PTPRS: variants seen among roughly 807,000 people sequenced by gnomAD.
PTPRS encodes the protein protein tyrosine phosphatase receptor type S.
PTPRS carries 63 observed loss-of-function variants against 215.3 expected under a neutral mutation model. That is an observed-to-expected ratio of 0.29 (90% CI 0.24 to 0.36). The LOEUF (loss-of-function observed/expected upper bound fraction) is 0.36. Among genes scored for constraint, PTPRS ranks in the 10% least tolerant of loss-of-function variants. The pLI is 1.00. For synonymous variants in PTPRS, 1,404 were observed against 1,191.4 expected (o/e 1.18, Z -3.68); for missense variants, 2,258 against 2,825.8 (o/e 0.80, Z 4.56).
In PTPRS at chr19:5,256,097, A is replaced by C; in HGVS notation, c.718+11T>G. On this transcript the variant is annotated intron_variant, in intron 9 of 37. Coordinates refer to ENST00000262963, the MANE Select transcript of PTPRS (RefSeq NM_002850.4). ...GGGTAAAGAAAGTAAAAAAGAAAAA[A>C]ACACACCAACCTTCTCGAAGCTCTG... 1 of 1,519,722 alleles carries C rather than the reference A, an allele frequency of 6.6e-7. No homozygotes were observed. The highest frequency in any genetic ancestry group is 9.1e-7 in the Non-Finnish European group (1 of 1,098,140). 94.1% of individuals were successfully genotyped at this position (1,519,722 alleles called of 1,614,324 possible).
intron 1 of PTPRS, among the ~76,000 whole-genome samples, chr19:5,317,228 T>C (rs569920938): frequency 6.6e-6 from 1 of 152,050 alleles, no homozygotes; most frequent in Admixed American, 6.5e-5. Context: ...TCTCGGCACT[T>C]TGGGAGGGAG....
At chr19:5,222,291 TGAAGC>T (rs1164567248) in intron 18 of PTPRS, 71 bp from the exon 19 acceptor site, 2 of 1,327,472 alleles carry the variant, frequency 1.5e-6, no homozygotes, top group Middle Eastern at 1.8e-4. Context: ...CTGGGTGGCG[TGAAGC>T]GGGGTGGGGT....
At position 5,237,772 on chromosome 19, in the gene PTPRS, C is replaced by T. The variant is rs991620067; in HGVS notation, c.1849+1147G>A. Among the ~76,000 whole-genome samples, 6 of 152,206 alleles carry T rather than the reference C, an allele frequency of 3.9e-5. No individual in the cohort carries two copies. The highest frequency in any genetic ancestry group is 2.1e-4 in the South Asian group (1 of 4,814). On this transcript the variant is annotated intron_variant, in intron 13 of 37. Coordinates refer to ENST00000262963, the MANE Select transcript of PTPRS (RefSeq NM_002850.4). The surrounding 1 kb of genome is among the most constrained non-coding windows in gnomAD (Gnocchi z 4.2). Reference sequence around the variant, plus strand: ...CCTCACTGACTCCACCTCACACAGACGCGCCCAGACGCCTTGGAGCCGCCA... The same window carrying T: ...CCTCACTGACTCCACCTCACACAGATGCGCCCAGACGCCTTGGAGCCGCCA...
rs531263303 is a variant in PTPRS at position 5,339,847 on chromosome 19, C to T, written c.-95+817G>A. On this transcript the variant is annotated intron_variant, in intron 1 of 37. Transcript: ENST00000262963. The surrounding 1 kb of genome is among the most constrained non-coding windows in gnomAD (Gnocchi z 4.2). ...GCGGCTTCCCCACTCTCGGGATCCC[C>T]ACGGGGCCCCCAGCGCGGAGGGGAG... Among the ~76,000 whole-genome samples, 1 of 151,822 alleles carries T rather than the reference C, an allele frequency of 6.6e-6. No homozygotes were observed. The highest frequency in any genetic ancestry group is 1.5e-5 in the Non-Finnish European group (1 of 67,846).
At chr19:5,272,105 C>T (rs1233490318) in intron 4 of PTPRS, among the ~76,000 whole-genome samples, 3 of 152,118 alleles carry the variant, frequency 2.0e-5, no homozygotes, top group African/African-American at 7.2e-5. Flanking sequence ...CAAGTGGCAG[C>T]CAGGACTTGA....
At chr19:5,255,563 C>T (rs561004468) in intron 9 of PTPRS, among the ~76,000 whole-genome samples, 33 of 135,116 alleles carry the variant, frequency 2.4e-4, no homozygotes, top group African/African-American at 8.3e-4. Context: ...CCCCCCAAAA[C>T]GAAACAAAAC....
In PTPRS at chr19:5,238,933, C is replaced by A; in HGVS notation, c.1835G>T (p.Arg612Leu). ...GAGACACCTACTGGACTGCAGCGTG[C>A]GCTGCCGCACCACGGGGGTGAAGGC... ...LGAFTPVVRQ[R>L]TLQSKPSAPP... The change falls in exon 13 of 38, where the codon CGC (arginine) becomes CTC (leucine). Residue 612 changes from arginine to leucine, a missense_variant. Transcript: ENST00000262963. 6.2e-7 allele frequency: 1 copy of A among 1,607,042 alleles called. No individual in the cohort carries two copies.
chr19:5,245,287 G>A (rs1022304040), intron 10 of PTPRS, among the ~76,000 whole-genome samples: 2 of 151,634 alleles, frequency 1.3e-5, no homozygotes, highest in Non-Finnish European at 2.9e-5. Flanking sequence ...ACCGCGCCTG[G>A]CCCATTTTAT....
chr19:5,310,124 C>T (rs909791615), intron 1 of PTPRS, among the ~76,000 whole-genome samples: 2 of 152,084 alleles, frequency 1.3e-5, no homozygotes, highest in African/African-American at 2.4e-5. Flanking sequence ...ATGCCAGGTG[C>T]GGTCCTGCCT....
In PTPRS at chr19:5,257,072, G is replaced by T. The variant is rs962090971; in HGVS notation, c.706+945C>A. ...TCTACCACAAATCTGATCAGAAACA[G>T]CGACTAGGAGGTGAAAGGGAGGAGG... On this transcript the variant is annotated intron_variant, in intron 8 of 37. Coordinates refer to ENST00000262963, the MANE Select transcript of PTPRS (RefSeq NM_002850.4). This position sits in a 1 kb window ranked among gnomAD's most constrained non-coding sequence, Gnocchi z 4.4. Among the ~76,000 whole-genome samples, 9 of 151,212 alleles carry T rather than the reference G, an allele frequency of 6.0e-5. No individual in the cohort carries two copies. The highest frequency in any genetic ancestry group is 1.0e-4 in the Non-Finnish European group (7 of 67,832).
At chr19:5,228,530 GA>G (rs1182735560) in intron 16 of PTPRS, among the ~76,000 whole-genome samples, 2 of 151,994 alleles carry the variant, frequency 1.3e-5, no homozygotes, top group Non-Finnish European at 2.9e-5. Flanking sequence ...TATTAGTAGA[GA>G]AGGGGTTTTG....
At position 5,206,779 on chromosome 19, in the gene PTPRS, T is replaced by C. The variant is rs750760376; in HGVS notation, c.5842A>G (p.Thr1948Ala). ...EYLGSFDHYA[T>A] ...GCCTGGGGGGAACCATGGCTTTAGG[T>C]TGCATAGTGGTCAAAGCTTCCGAGG... The change falls in exon 38 of 38, where the codon ACC (threonine) becomes GCC (alanine). Residue 1948 changes from threonine (T) to alanine (A), a missense_variant. By Grantham distance (58) the Thr-to-Ala change is moderately conservative. Around this residue, in one of 6 missense-constraint regions of PTPRS, gnomAD observed 89 missense variants for 104.0 expected, o/e 0.86. Transcript: ENST00000262963. 51 of 1,613,676 alleles carry C rather than the reference T, an allele frequency of 3.2e-5. No homozygotes were observed. Among genetic ancestry groups the C allele is most frequent in the East Asian group, 4.5e-5 (2 of 44,880 alleles).
intron 2 of PTPRS, 115 bp downstream of exon 2, chr19:5,285,935 G>A: frequency 2.2e-6 from 2 of 918,584 alleles, no homozygotes; most frequent in Non-Finnish European, 3.3e-6. Context: ...GTTCCATTTG[G>A]CAAAATGGAG....
chr19:5,230,476 A>T (rs2145644636), intron 14 of PTPRS, among the ~76,000 whole-genome samples: 1 of 152,234 alleles, frequency 6.6e-6, no homozygotes, highest in Non-Finnish European at 1.5e-5. Flanking sequence ...ACGTTTTTGT[A>T]GAGATGGGGT....
At chr19:5,277,972 C>G in intron 2 of PTPRS, 1 of 1,479,526 alleles carries the variant, frequency 6.8e-7, no homozygotes, top group East Asian at 2.3e-5. Flanking sequence ...TTCCTGGTCC[C>G]CAGCGTCAAG....
chr19:5,262,839 T>G, intron 6 of PTPRS, 125 bp downstream of exon 6: 1 of 1,081,010 alleles, frequency 9.3e-7, no homozygotes. Context: ...TTAGTAAACA[T>G]ACCAGGCAGA....
rs975184262 is a variant in PTPRS, at chr19:5,237,943, T to G, written c.1849+976A>C. ...CTGGAGTTGATGTTAACCCTTCGAC[T>G]GATCCGAGATGCCCCTGTGTACACA... On this transcript the variant is annotated intron_variant, in intron 13 of 37. Coordinates refer to ENST00000262963, the MANE Select transcript of PTPRS (RefSeq NM_002850.4). This position sits in a 1 kb window ranked among gnomAD's most constrained non-coding sequence, Gnocchi z 4.2. 2.0e-5 allele frequency among the ~76,000 whole-genome samples: 3 copies of G among 149,916 alleles called. No individual in the cohort carries two copies. The highest frequency in any genetic ancestry group is 7.3e-5 in the African/African-American group (3 of 41,244).
rs903405785 is a variant in PTPRS at position 5,214,020 on chromosome 19, G to A, written c.4614+341C>T. Reference sequence around the variant, plus strand: ...TCCTTGAAGGCAGGGCTGGGGCCCTGCTGAGGCCCCCATCATAGGCTCAAG... The same window carrying A: ...TCCTTGAAGGCAGGGCTGGGGCCCTACTGAGGCCCCCATCATAGGCTCAAG... On this transcript the variant is annotated intron_variant, in intron 30 of 37. Transcript: ENST00000262963. 2.6e-5 allele frequency among the ~76,000 whole-genome samples: 4 copies of A among 152,022 alleles called. No homozygotes were observed. The South Asian group carries it at 6.2e-4, about 24-fold the overall frequency.
At chr19:5,236,853 A>G (rs1198793592) in intron 13 of PTPRS, among the ~76,000 whole-genome samples, 5 of 139,794 alleles carry the variant, frequency 3.6e-5, no homozygotes, top group Non-Finnish European at 7.4e-5. Flanking sequence ...CAGGGGGAAA[A>G]AAAAAAAAAA....
Sources: gnomAD v4.1 joint callset for allele counts (sites outside exome capture counted in the v4.1 genomes callset) on GRCh38, gnomAD v4.1.1 for gene constraint, gnomAD v4.1.1 regional missense constraint, Gnocchi (gnomAD v3.1) non-coding constraint, MANE v1.5 for transcripts, NCBI Gene and HGNC (gene_info 2026-07-23, HGNC 2026-07-21) for gene names.